GRIK2: variants seen among roughly 807,000 people sequenced by gnomAD.
GRIK2 encodes glutamate receptor ionotropic, kainate 2.
Under a neutral mutation model 100.3 loss-of-function variants are expected in GRIK2, and 32 were observed. The ratio of observed to expected loss-of-function variants is 0.32; its 90% confidence interval spans 0.24 to 0.43. GRIK2 has a LOEUF of 0.43. Ranked by LOEUF, GRIK2 falls within the 20% of genes least tolerant of loss-of-function variation. The pLI, the probability that GRIK2 is intolerant of heterozygous loss-of-function variation, is 1.00. For missense variants in GRIK2, 843 were observed against 1,114.9 expected (o/e 0.76, Z 3.47); for synonymous variants, 417 against 389.4 (o/e 1.07, Z -0.83).
chr6:101,882,121 A>AT (rs1168472739), intron 11 of GRIK2, among the ~76,000 whole-genome samples: 1 of 152,020 alleles, frequency 6.6e-6, no homozygotes, highest in African/African-American at 2.4e-5. Flanking sequence ...TGAGAACAGT[A>AT]TGGGGGAAAC....
At chr6:101,760,959 A>G (rs1281475036) in intron 7 of GRIK2, among the ~76,000 whole-genome samples, 1 of 151,866 alleles carries the variant, frequency 6.6e-6, no homozygotes, top group Non-Finnish European at 1.5e-5. Context: ...CATGTTAAAT[A>G]GTAATAAGAA....
intron 2 of GRIK2, among the ~76,000 whole-genome samples, chr6:101,466,379 G>C (rs986798982): frequency 1.3e-5 from 2 of 151,132 alleles, no homozygotes; most frequent in African/African-American, 4.9e-5. Context: ...GATTAATATT[G>C]TTATATTACT....
At chr6:101,460,021 T>G (rs1329686149) in intron 2 of GRIK2, among the ~76,000 whole-genome samples, 1 of 152,178 alleles carries the variant, frequency 6.6e-6, no homozygotes, top group African/African-American at 2.4e-5. Context: ...CCTCTCGATG[T>G]GCTGGGATTA....
At chr6:101,964,861 A>G (rs917536773) in intron 14 of GRIK2, among the ~76,000 whole-genome samples, 5 of 152,196 alleles carry the variant, frequency 3.3e-5, no homozygotes, top group African/African-American at 1.2e-4. Flanking sequence ...CATGCAAGGC[A>G]GAAATGTAGA....
chr6:101,631,959 A>G (rs1192284041), intron 4 of GRIK2, among the ~76,000 whole-genome samples: 1 of 152,114 alleles, frequency 6.6e-6, no homozygotes, highest in Non-Finnish European at 1.5e-5. Flanking sequence ...ATACTTGTCC[A>G]GTGATATTTG....
chr6:102,052,431 T>C (rs1213300159), intron 15 of GRIK2, among the ~76,000 whole-genome samples: 2 of 152,174 alleles, frequency 1.3e-5, no homozygotes, highest in African/African-American at 4.8e-5. Context: ...TGCTGAGGTT[T>C]GCTAGCAATG....
chr6:101,797,009 C>A (rs75724488), intron 7 of GRIK2, among the ~76,000 whole-genome samples: 2,842 of 152,104 alleles, frequency 0.019, 80 homozygotes, highest in East Asian at 0.074. Context: ...TATTTTCTAG[C>A]ATTGTCATAT....
intron 15 of GRIK2, among the ~76,000 whole-genome samples, chr6:102,046,372 A>AT (rs1315355921): frequency 2.6e-5 from 4 of 151,900 alleles, no homozygotes; most frequent in Admixed American, 2.0e-4. Context: ...TAATCCCCAC[A>AT]TTTTAAGGAG....
At chr6:101,894,370 A>C (rs926784749) in intron 12 of GRIK2, among the ~76,000 whole-genome samples, 1 of 151,764 alleles carries the variant, frequency 6.6e-6, no homozygotes, top group Non-Finnish European at 1.5e-5. Context: ...GCATAATGAC[A>C]TAATCAGCAT....
At chr6:101,520,324 G>A (rs944199939) in intron 2 of GRIK2, among the ~76,000 whole-genome samples, 11 of 150,210 alleles carry the variant, frequency 7.3e-5, no homozygotes, top group Middle Eastern at 7.0e-3. Flanking sequence ...TTTCTTTCAT[G>A]CATTAGGCTA....
At chr6:101,617,546 T>G (rs921220311) in intron 2 of GRIK2, among the ~76,000 whole-genome samples, 1 of 151,780 alleles carries the variant, frequency 6.6e-6, no homozygotes, top group Non-Finnish European at 1.5e-5. Context: ...TGTCACAGAG[T>G]TTGTATATTT....
intron 4 of GRIK2, among the ~76,000 whole-genome samples, chr6:101,661,902 T>C (rs1204317089): frequency 6.6e-6 from 1 of 152,154 alleles, no homozygotes; most frequent in East Asian, 1.9e-4. Flanking sequence ...ACCGGAGCTG[T>C]TCCTATTCGG....
At chr6:101,462,472 CT>C (rs1280049616) in intron 2 of GRIK2, among the ~76,000 whole-genome samples, 1 of 101,726 alleles carries the variant, frequency 9.8e-6, no homozygotes, top group African/African-American at 4.0e-5. Flanking sequence ...CAAGATACTA[CT>C]CTAAAAAAGA....
In GRIK2 at chr6:101,480,064, A is replaced by G. The variant is rs6940366; in HGVS notation, c.115+80672A>G. ...TGCATGGTAGTCCAATTCCTTCCCTAAGATTTCTGCAAATTTACAAAGGAA... is the reference window on the plus strand; with the variant it reads ...TGCATGGTAGTCCAATTCCTTCCCTGAGATTTCTGCAAATTTACAAAGGAA... On this transcript the variant is annotated intron_variant, in intron 2 of 16. Coordinates refer to ENST00000369134, the MANE Select transcript of GRIK2 (RefSeq NM_021956.5). Among the ~76,000 whole-genome samples, 868 of 152,210 alleles carry G rather than the reference A, an allele frequency of 5.7e-3. 5 individuals are homozygous for G. The highest frequency in any genetic ancestry group is 0.02 in the African/African-American group (846 of 41,542).
intron 2 of GRIK2, among the ~76,000 whole-genome samples, chr6:101,522,936 C>A (rs1392184826): frequency 6.6e-6 from 1 of 150,460 alleles, no homozygotes; most frequent in African/African-American, 2.4e-5. Flanking sequence ...TATATTTAAT[C>A]TATTTATTAA....
intron 7 of GRIK2, among the ~76,000 whole-genome samples, chr6:101,787,852 T>A (rs1779539655): frequency 6.6e-6 from 1 of 152,174 alleles, no homozygotes; most frequent in Non-Finnish European, 1.5e-5. Context: ...TGATGTTTGT[T>A]GATTTTCTAC....
At chr6:101,736,523 G>T (rs537251209) in intron 7 of GRIK2, among the ~76,000 whole-genome samples, 2 of 152,250 alleles carry the variant, frequency 1.3e-5, no homozygotes, top group Non-Finnish European at 2.9e-5. Context: ...AGCTGCCAAG[G>T]CTTGGGGCTT....
intron 14 of GRIK2, among the ~76,000 whole-genome samples, chr6:102,022,193 C>CAAGT (rs1769463487): frequency 6.7e-6 from 1 of 149,718 alleles, no homozygotes; most frequent in African/African-American, 2.5e-5. Context: ...AAAAATTTAA[C>CAAGT]AAGTAACTTA....
At chr6:101,859,586 G>C (rs1180934123) in intron 11 of GRIK2, 93 bp downstream of exon 11, 1 of 717,090 alleles carries the variant, frequency 1.4e-6, no homozygotes, top group Non-Finnish European at 2.4e-6. Context: ...AAAGAGTAGT[G>C]ATATATTTCA....
Sources: allele counts gnomAD v4.1 joint callset (sites outside exome capture counted in the v4.1 genomes callset), GRCh38; gene constraint gnomAD v4.1.1; transcripts MANE v1.5; gene names NCBI Gene and HGNC (gene_info 2026-07-23, HGNC 2026-07-21).